GULP1: variants seen among roughly 807,000 people sequenced by gnomAD.
GULP1 encodes the protein GULP PTB domain containing engulfment adaptor 1, also known as PTB domain-containing engulfment adapter protein 1.
In GULP1, 19 loss-of-function variants were observed where a neutral mutation model predicts 40.9. The observed-to-expected ratio is 0.46, with a 90% CI of 0.32 to 0.68. GULP1 has a LOEUF of 0.68. Among genes scored for constraint, GULP1 ranks in the 30% least tolerant of loss-of-function variants. The pLI is 0.03. For synonymous variants in GULP1, 119 were observed against 117.6 expected (o/e 1.01, Z -0.08); for missense variants, 312 against 362.2 (o/e 0.86, Z 1.12).
chr2:188,581,839 C>T (rs1029669520), intron 9 of GULP1, among the ~76,000 whole-genome samples: 3 of 152,116 alleles, frequency 2.0e-5, no homozygotes, highest in African/African-American at 4.8e-5. Flanking sequence ...GTAATAAGGA[C>T]ATAATATCAC....
chr2:188,314,273 TAGGGGA>T (rs1321848474), intron 1 of GULP1, among the ~76,000 whole-genome samples: 1 of 152,184 alleles, frequency 6.6e-6, no homozygotes, highest in Non-Finnish European at 1.5e-5. Flanking sequence ...AGTAGTACAG[TAGGGGA>T]ATTGTCTCTG....
intron 1 of GULP1, among the ~76,000 whole-genome samples, chr2:188,346,843 C>T (rs1189154874): frequency 6.6e-6 from 1 of 151,342 alleles, no homozygotes; most frequent in Admixed American, 6.6e-5. Context: ...TGGTGGCAGG[C>T]GCCTGTAATC....
At chr2:188,445,169 G>A (rs1441642504) in intron 2 of GULP1, among the ~76,000 whole-genome samples, 3 of 152,018 alleles carry the variant, frequency 2.0e-5, no homozygotes, top group Non-Finnish European at 4.4e-5. Flanking sequence ...AAACCTTGAC[G>A]TTTGATGCCA....
chr2:188,566,566 C>T (rs916413627), intron 7 of GULP1, among the ~76,000 whole-genome samples: 43 of 151,792 alleles, frequency 2.8e-4, no homozygotes, highest in African/African-American at 9.4e-4. Flanking sequence ...GAGGCCAAGG[C>T]GGGTGGATCA....
intron 7 of GULP1, among the ~76,000 whole-genome samples, chr2:188,555,787 G>A (rs1295662386): frequency 2.0e-5 from 3 of 152,108 alleles, no homozygotes; most frequent in Non-Finnish European, 4.4e-5. Flanking sequence ...TAGGCTGGGT[G>A]TGGTGGCTTA....
chr2:188,516,762 T>C (rs1023709799), intron 4 of GULP1, among the ~76,000 whole-genome samples: 7 of 152,200 alleles, frequency 4.6e-5, no homozygotes, highest in Non-Finnish European at 7.4e-5. Context: ...CTACAAGTCC[T>C]TGGACCAAAT....
intron 2 of GULP1, among the ~76,000 whole-genome samples, chr2:188,425,680 A>G (rs2056097916): frequency 6.6e-6 from 1 of 152,144 alleles, no homozygotes; most frequent in Non-Finnish European, 1.5e-5. Flanking sequence ...CTTTCATCCC[A>G]TGTTGCACAC....
At chr2:188,315,427 C>A (rs1252613698) in intron 1 of GULP1, among the ~76,000 whole-genome samples, 2 of 152,120 alleles carry the variant, frequency 1.3e-5, no homozygotes, top group Non-Finnish European at 2.9e-5. Context: ...GTATCCCCTG[C>A]AGATGAGGGA....
At chr2:188,453,219 A>T (rs191401232) in intron 2 of GULP1, among the ~76,000 whole-genome samples, 1 of 152,214 alleles carries the variant, frequency 6.6e-6, no homozygotes, top group Non-Finnish European at 1.5e-5. Flanking sequence ...TTAATTTACA[A>T]TTCTTCTAAT....
intron 1 of GULP1, among the ~76,000 whole-genome samples, chr2:188,368,375 G>A (rs2047088069): frequency 6.6e-6 from 1 of 152,088 alleles, no homozygotes; most frequent in Admixed American, 6.5e-5. Context: ...GAGGTCGGGA[G>A]TTCGAGACCA....
chr2:188,323,601 G>A (rs1168397150), intron 1 of GULP1, among the ~76,000 whole-genome samples: 7 of 151,850 alleles, frequency 4.6e-5, no homozygotes, highest in Middle Eastern at 3.4e-3. Context: ...TAAGGAGTTT[G>A]TGAGTGCAAA....
intron 1 of GULP1, among the ~76,000 whole-genome samples, chr2:188,357,291 A>G (rs1454882286): frequency 6.6e-6 from 1 of 152,160 alleles, no homozygotes. Flanking sequence ...TGGAGAAAAT[A>G]TTTGCAAACT....
chr2:188,471,943 A>G (rs2060624108), intron 2 of GULP1, among the ~76,000 whole-genome samples: 1 of 152,184 alleles, frequency 6.6e-6, no homozygotes, highest in Non-Finnish European at 1.5e-5. Context: ...CATCTATTCT[A>G]GGACAGGTCT....
chr2:188,469,558 G>A (rs552716544), intron 2 of GULP1, among the ~76,000 whole-genome samples: 1 of 152,246 alleles, frequency 6.6e-6, no homozygotes, highest in South Asian at 2.1e-4. Context: ...AAGGGGGAGT[G>A]AGGCATCTCA....
At chr2:188,372,137 A>G (rs1336670305) in intron 1 of GULP1, among the ~76,000 whole-genome samples, 1 of 152,096 alleles carries the variant, frequency 6.6e-6, no homozygotes, top group Non-Finnish European at 1.5e-5. Flanking sequence ...CATTAACTGT[A>G]TCAAGTTGTC....
At chr2:188,570,984 T>A (rs955122495) in intron 9 of GULP1, among the ~76,000 whole-genome samples, 2 of 151,972 alleles carry the variant, frequency 1.3e-5, no homozygotes, top group Admixed American at 1.3e-4. Flanking sequence ...TGGTGAAACC[T>A]TGTCTCTACA....
intron 2 of GULP1, among the ~76,000 whole-genome samples, chr2:188,463,667 T>C (rs935114423): frequency 6.6e-6 from 1 of 152,130 alleles, no homozygotes; most frequent in African/African-American, 2.4e-5. Context: ...CTAGATGCTG[T>C]CCATGCACTT....
intron 1 of GULP1, among the ~76,000 whole-genome samples, chr2:188,338,839 T>C (rs1391634407): frequency 6.6e-6 from 1 of 152,188 alleles, no homozygotes; most frequent in African/African-American, 2.4e-5. Context: ...GCTACTTCTC[T>C]AAAATGACTT....
At chr2:188,319,112 A>G (rs1014074024) in intron 1 of GULP1, among the ~76,000 whole-genome samples, 1 of 152,188 alleles carries the variant, frequency 6.6e-6, no homozygotes, top group African/African-American at 2.4e-5. Flanking sequence ...TGTTATTGTA[A>G]CTGTTGAACA....
Sources: gnomAD v4.1 joint callset for allele counts (sites outside exome capture counted in the v4.1 genomes callset) on GRCh38, gnomAD v4.1.1 for gene constraint, MANE v1.5 for transcripts, NCBI Gene and HGNC (gene_info 2026-07-23, HGNC 2026-07-21) for gene names.